The following DLG5 variants were observed in gnomAD, a reference collection of about 807,000 sequenced individuals.
DLG5 encodes the protein discs large MAGUK scaffold protein 5.
DLG5 carries 48 observed loss-of-function variants against 189.8 expected under a neutral mutation model. The observed-to-expected ratio is 0.25, with a 90% CI of 0.20 to 0.32. The LOEUF (loss-of-function observed/expected upper bound fraction) is 0.32. Ranked by LOEUF, DLG5 falls within the 10% of genes least tolerant of loss-of-function variation. The pLI is 1.00. For synonymous variants in DLG5, 1,016 were observed against 1,054.1 expected, an observed-to-expected ratio of 0.96 and a Z score of 0.70; for missense variants, 2,160 against 2,544.7, an observed-to-expected ratio of 0.85 and a Z score of 3.25.
At chr10:77,853,657 T>A in intron 4 of DLG5, 120 bp from the exon 5 acceptor site, 1 of 1,060,340 alleles carries the variant, frequency 9.4e-7, no homozygotes, top group Non-Finnish European at 1.3e-6. Context: ...CAGGAGCCAA[T>A]GGCAGGTAGG....
chr10:77,826,673 C>T (rs898439157), intron 13 of DLG5, among the ~76,000 whole-genome samples: 1 of 151,754 alleles, frequency 6.6e-6, no homozygotes, highest in Non-Finnish European at 1.5e-5. Flanking sequence ...TCTGGCTGGG[C>T]GTGGTGGCTC....
In DLG5 at chr10:77,796,456, G is replaced by C; in HGVS notation, c.5303C>G (p.Pro1768Arg). Residue 1768 changes from proline (P) to arginine (R), a missense_variant, in exon 28 of 32, where the codon CCC becomes CGC. Around this residue, in one of 5 missense-constraint regions of DLG5, gnomAD observed 574 missense variants for 644.2 expected, o/e 0.89. Transcript: ENST00000372391. This position sits in a 1 kb window ranked among gnomAD's most constrained non-coding sequence, Gnocchi z 5.2. The part of the protein sequence containing the change: ...NEAPGKFCRC[P>R]LEVMKASQQA... The stretch of plus-strand genomic sequence containing the variant: ...GGGTGCCCCGTGCCCCTTACCAAGG[G>C]GACATCTGCAGAACTTGCCAGGAGC... 1 of 1,614,166 alleles carries C rather than the reference G, an allele frequency of 6.2e-7. No individual in the cohort carries two copies. Among genetic ancestry groups the C allele is most frequent in the African/African-American group, 1.3e-5 (1 of 75,032 alleles).
chr10:77,896,098 T>A (rs1845749537), intron 1 of DLG5, among the ~76,000 whole-genome samples: 1 of 151,258 alleles, frequency 6.6e-6, no homozygotes, highest in African/African-American at 2.4e-5. Context: ...AGGCAAAGTT[T>A]GCAGTGAGCC....
At chr10:77,921,441 G>A (rs1022584405) in intron 1 of DLG5, among the ~76,000 whole-genome samples, 13 of 152,018 alleles carry the variant, frequency 8.6e-5, no homozygotes, top group African/African-American at 1.4e-4. Context: ...TATTCCCTTG[G>A]GGAAAAAAAA....
At position 77,829,431 on chromosome 10, in the gene DLG5, G is replaced by A; in HGVS notation, c.2109C>T (p.Asn703=). 6.2e-7 allele frequency: 1 copy of A among 1,614,224 alleles called. No homozygotes were observed. The highest frequency in any genetic ancestry group is 1.6e-4 in the Middle Eastern group (1 of 6,062). ...KALLNGEGAI[N]MVVRRRKSLG... is the part of the protein sequence containing the mutation. ...GGGACTTCCTCCGCCGCACGACCAT[G>A]TTGATGGCCCCCTCCCCATTGAGGA... Residue 703 remains asparagine (N), a synonymous_variant, in exon 12 of 32, where the codon AAC becomes AAT. Transcript: ENST00000372391.
intron 2 of DLG5, chr10:77,868,747 A>G (rs1055368699): frequency 3.4e-5 from 9 of 263,010 alleles, no homozygotes; most frequent in South Asian, 2.7e-4. Flanking sequence ...AACACACCCA[A>G]TTCAGCATGG....
intron 9 of DLG5, among the ~76,000 whole-genome samples, chr10:77,831,417 A>T (rs1317380923): frequency 1.3e-5 from 2 of 152,224 alleles, no homozygotes; most frequent in African/African-American, 4.8e-5. Context: ...ATAAAATTTA[A>T]TTTAAAAAAT....
rs1199806681 is a variant in DLG5 at position 77,791,358 on chromosome 10, C to G, written c.*1082G>C. Reference sequence around the variant, plus strand: ...CTCAGAAGTGCAAAAAAAAAAAAAGCCCCCAAACGAAGACACCCACACTGA... The same window carrying G: ...CTCAGAAGTGCAAAAAAAAAAAAAGGCCCCAAACGAAGACACCCACACTGA... On this transcript the variant is annotated 3_prime_UTR_variant, in exon 32 of 32. Transcript: ENST00000372391. 6.8e-6 allele frequency: 1 copy of G among 147,224 alleles called. No homozygotes were observed. Among genetic ancestry groups the G allele is most frequent in the Non-Finnish European group, 1.5e-5 (1 of 67,056 alleles). 9.1% of individuals were successfully genotyped at this position (147,224 alleles called of 1,614,324 possible).
chr10:77,905,611 T>C (rs529201414), intron 1 of DLG5, among the ~76,000 whole-genome samples: 31 of 152,286 alleles, frequency 2.0e-4, no homozygotes, highest in East Asian at 1.2e-3. Context: ...ACAGCATGGG[T>C]AACTCTTTAC....
intron 7 of DLG5, 92 bp downstream of exon 7, chr10:77,841,789 G>C: frequency 7.0e-7 from 1 of 1,437,578 alleles, no homozygotes; most frequent in Admixed American, 2.0e-5. Context: ...CAACTCAGGA[G>C]GCTTCTAATC....
At chr10:77,880,564 A>G (rs562375230) in intron 1 of DLG5, among the ~76,000 whole-genome samples, 2 of 152,198 alleles carry the variant, frequency 1.3e-5, no homozygotes, top group Non-Finnish European at 1.5e-5. Context: ...AAGGTAAGAC[A>G]GACACACAAT....
chr10:77,803,262 C>T (rs1372137683), intron 27 of DLG5, among the ~76,000 whole-genome samples: 1 of 152,200 alleles, frequency 6.6e-6, no homozygotes, highest in Non-Finnish European at 1.5e-5. Flanking sequence ...GAGGTAAATA[C>T]TCTTGATGAA....
At chr10:77,893,292 G>A (rs1405560795) in intron 1 of DLG5, among the ~76,000 whole-genome samples, 2 of 152,206 alleles carry the variant, frequency 1.3e-5, no homozygotes, top group South Asian at 2.1e-4. Flanking sequence ...ATACTTAAGC[G>A]GGACTGTCAG....
chr10:77,846,935 G>A (rs985146626), intron 5 of DLG5, among the ~76,000 whole-genome samples: 11 of 152,104 alleles, frequency 7.2e-5, no homozygotes, highest in African/African-American at 2.7e-4. Context: ...CACAAAGCCC[G>A]GTTCTGGGTG....
At position 77,914,375 on chromosome 10, in the gene DLG5, G is replaced by GGCAGCA. The variant is rs528097874; in HGVS notation, c.304+11836_304+11841dup. On this transcript the variant is annotated intron_variant, in intron 1 of 31. Transcript: ENST00000372391. ...AGCTACCCCCAGTAGCTCCAGAGGC[G>GGCAGCA]GCAGCAGCAGCTTGCTCCTGTCTCA... Among the ~76,000 whole-genome samples, 568 of 152,234 alleles carry GGCAGCA rather than the reference G, an allele frequency of 3.7e-3. 2 individuals are homozygous for GGCAGCA. Among genetic ancestry groups the GGCAGCA allele is most frequent in the South Asian group, 0.018 (89 of 4,818 alleles).
At chr10:77,859,172 G>A (rs116412883) in intron 2 of DLG5, among the ~76,000 whole-genome samples, 1,958 of 152,132 alleles carry the variant, frequency 0.013, 35 homozygotes, top group African/African-American at 0.044. Flanking sequence ...CACCACACCC[G>A]GCCCAATGTG....
At chr10:77,879,346 T>C (rs914960996) in intron 1 of DLG5, among the ~76,000 whole-genome samples, 14 of 152,028 alleles carry the variant, frequency 9.2e-5, no homozygotes, top group Middle Eastern at 3.4e-3. Context: ...ACAGGGGCAA[T>C]AGGACAGCTC....
intron 23 of DLG5, among the ~76,000 whole-genome samples, chr10:77,809,992 C>A (rs1426998409): frequency 6.6e-6 from 1 of 152,190 alleles, no homozygotes; most frequent in Non-Finnish European, 1.5e-5. Context: ...TGCTCCCAGG[C>A]CCGGCTATCA....
At chr10:77,804,856 G>C (rs751960112) in intron 27 of DLG5, among the ~76,000 whole-genome samples, 1 of 152,196 alleles carries the variant, frequency 6.6e-6, no homozygotes, top group Non-Finnish European at 1.5e-5. Flanking sequence ...CAAATGGCAA[G>C]CAAGGCACTC....
Sources: gnomAD v4.1 joint callset for allele counts (sites outside exome capture counted in the v4.1 genomes callset) on GRCh38, gnomAD v4.1.1 for gene constraint, gnomAD v4.1.1 regional missense constraint, Gnocchi (gnomAD v3.1) non-coding constraint, MANE v1.5 for transcripts, NCBI Gene and HGNC (gene_info 2026-07-23, HGNC 2026-07-21) for gene names.